The following MAGI1 variants were observed in gnomAD, a reference collection of about 807,000 sequenced individuals.
MAGI1 encodes the protein membrane-associated guanylate kinase, WW and PDZ domain-containing protein 1.
MAGI1 carries 58 observed loss-of-function variants against 139.9 expected under a neutral mutation model. The observed-to-expected ratio is 0.41, with a 90% CI of 0.34 to 0.52. The LOEUF is 0.52. MAGI1 is among the 20% of genes least tolerant of loss of function. The pLI, the probability that MAGI1 is intolerant of heterozygous loss-of-function variation, is 0.12. For synonymous variants in MAGI1, 812 were observed against 737.9 expected, an observed-to-expected ratio of 1.10 and a Z score of -1.63; for missense variants, 1,874 against 1,901.6, an observed-to-expected ratio of 0.99 and a Z score of 0.27.
chr3:65,558,738 A>T (rs1314840018), intron 2 of MAGI1, among the ~76,000 whole-genome samples: 1 of 152,150 alleles, frequency 6.6e-6, no homozygotes, highest in African/African-American at 2.4e-5. Flanking sequence ...GATCTACCGA[A>T]TCAGAATTTC....
chr3:65,955,429 C>T (rs759224465), intron 1 of MAGI1, among the ~76,000 whole-genome samples: 1 of 152,160 alleles, frequency 6.6e-6, no homozygotes, highest in Non-Finnish European at 1.5e-5. Flanking sequence ...CCTCTCCTAG[C>T]CTCCTAGACC....
chr3:65,866,390 GA>G (rs1015286935), intron 1 of MAGI1, among the ~76,000 whole-genome samples: 4 of 148,770 alleles, frequency 2.7e-5, no homozygotes, highest in African/African-American at 9.9e-5. Context: ...TTTAAGAGGG[GA>G]AAAAAAGCAG....
intron 1 of MAGI1, among the ~76,000 whole-genome samples, chr3:65,646,546 C>A (rs934696259): frequency 2.0e-5 from 3 of 152,060 alleles, no homozygotes; most frequent in African/African-American, 7.2e-5. Flanking sequence ...CTTCAAACAA[C>A]AGGATCCAAA....
chr3:65,774,871 A>G (rs1471832117), intron 1 of MAGI1, among the ~76,000 whole-genome samples: 2 of 152,188 alleles, frequency 1.3e-5, no homozygotes, highest in Non-Finnish European at 2.9e-5. Context: ...TTCTGTCTTC[A>G]CTATTGATAG....
rs779588733 is a variant in MAGI1, at chr3:65,627,485, C to CTTTTTTTTTTTTTTTTTTTTTT, written c.314-5419_314-5398dup. Among the ~76,000 whole-genome samples the CTTTTTTTTTTTTTTTTTTTTTT allele has an allele frequency of 2.8e-4, 8 of 28,322 alleles. 2 individuals carry two copies. The highest frequency in any genetic ancestry group is 4.2e-4 in the Non-Finnish European group (6 of 14,350). The allele number at this position is 28,322 out of a possible 152,430, so 18.6% of individuals were successfully genotyped here. On this transcript the variant is annotated intron_variant, in intron 1 of 22. Transcript: ENST00000402939. ...TTGCCGTTATTTTATATTTCTGTATCTTTTTTTTTTTTTTTTTTTTTTTTT... is the reference window on the plus strand; with the variant it reads ...TTGCCGTTATTTTATATTTCTGTATCTTTTTTTTTTTTTTTTTTTTTTTTTTTTTTTTTTTTTTTTTTTTTTT...
At chr3:65,813,449 GA>G in intron 1 of MAGI1, among the ~76,000 whole-genome samples, 1 of 152,268 alleles carries the variant, frequency 6.6e-6, no homozygotes, top group East Asian at 1.9e-4. Context: ...TGACCATTAA[GA>G]AACAAATCAA....
intron 1 of MAGI1, among the ~76,000 whole-genome samples, chr3:65,883,352 C>A (rs200262704): frequency 6.6e-6 from 1 of 152,072 alleles, no homozygotes; most frequent in Admixed American, 6.6e-5. Flanking sequence ...AAATTCCAGT[C>A]TAAAAGAAGT....
intron 1 of MAGI1, among the ~76,000 whole-genome samples, chr3:65,743,823 G>A (rs2035472401): frequency 6.6e-6 from 1 of 151,448 alleles, no homozygotes; most frequent in African/African-American, 2.4e-5. Context: ...CATTTTTTGT[G>A]TTGGTTCTCA....
intron 2 of MAGI1, among the ~76,000 whole-genome samples, chr3:65,592,725 G>T (rs2082024425): frequency 6.6e-6 from 1 of 152,160 alleles, no homozygotes; most frequent in African/African-American, 2.4e-5. Context: ...GAAAGAATGA[G>T]GGCTAGTGTG....
intron 12 of MAGI1, among the ~76,000 whole-genome samples, chr3:65,415,210 C>CTT (rs1273166397): frequency 1.3e-5 from 2 of 152,092 alleles, no homozygotes; most frequent in Non-Finnish European, 2.9e-5. Context: ...CAGGCTCTTC[C>CTT]TTTTCACCTT....
chr3:65,906,940 A>G (rs2061459965), intron 1 of MAGI1, among the ~76,000 whole-genome samples: 1 of 151,894 alleles, frequency 6.6e-6, no homozygotes, highest in Non-Finnish European at 1.5e-5. Flanking sequence ...AAAAAAAAAG[A>G]AAAAGAACTT....
chr3:66,002,647 T>C (rs1016659340), intron 1 of MAGI1, among the ~76,000 whole-genome samples: 2 of 152,244 alleles, frequency 1.3e-5, no homozygotes, highest in African/African-American at 4.8e-5. Context: ...CCCGAGTAGC[T>C]GGGATCACAG....
rs75482011 is a variant in MAGI1, at chr3:65,780,287, G to A, written c.314-158199C>T. On this transcript the variant is annotated intron_variant, in intron 1 of 22. Coordinates refer to ENST00000402939, the MANE Select transcript of MAGI1 (RefSeq NM_001033057.2). ...GATCCCCCCGCTTCAATCTCCCAAA[G>A]TGCTGGGATTACAGGAGTGACACAT... Among the ~76,000 whole-genome samples, 1,312 of 152,282 alleles carry A rather than the reference G, an allele frequency of 8.6e-3. 21 individuals are homozygous for A. Among genetic ancestry groups the A allele is most frequent in the African/African-American group, 0.03 (1,235 of 41,564 alleles).
At chr3:65,690,723 A>ACCTCCCAATGTGATGGGATTACAG (rs2088528524) in intron 1 of MAGI1, among the ~76,000 whole-genome samples, 1 of 133,326 alleles carries the variant, frequency 7.5e-6, no homozygotes, top group South Asian at 2.6e-4. Flanking sequence ...CAAGTGATCC[A>ACCTCCCAATGTGATGGGATTACAG]CCTCCCAATG....
At chr3:65,364,337 T>A (rs904826012) in intron 20 of MAGI1, among the ~76,000 whole-genome samples, 1 of 152,088 alleles carries the variant, frequency 6.6e-6, no homozygotes, top group Non-Finnish European at 1.5e-5. Flanking sequence ...AAACACCTTA[T>A]CACAAAGACA....
At chr3:65,572,689 G>A (rs1412950095) in intron 2 of MAGI1, among the ~76,000 whole-genome samples, 2 of 151,986 alleles carry the variant, frequency 1.3e-5, no homozygotes, top group African/African-American at 4.8e-5. Context: ...ATGATATGCT[G>A]TTTTCCTTTA....
At chr3:66,004,572 A>G (rs2066915769) in intron 1 of MAGI1, among the ~76,000 whole-genome samples, 1 of 152,148 alleles carries the variant, frequency 6.6e-6, no homozygotes, top group South Asian at 2.1e-4. Context: ...CCAGATAATC[A>G]CAAAGGTCTG....
Position 66,038,285 on chromosome 3 carries a change from C to G in MAGI1, c.24G>C (p.Lys8Asn), listed in dbSNP as rs764775560. ...CGTGAACCCTGCTAGTCCAGTGGTT[C>G]TTCTTCTGGATCACTTTGGACATGA... Reference protein sequence around the residue: MSKVIQKKNHWTSRVHEC... With the variant: MSKVIQKNNHWTSRVHEC... Residue 8 changes from lysine to asparagine, a missense_variant, in exon 1 of 23, where the codon AAG becomes AAC. Physicochemically the swap from Lys to Asn is moderately conservative, Grantham distance 94. This residue lies in a region of MAGI1 where 648 missense variants were observed against 598.1 expected (regional missense o/e 1.08). Transcript: ENST00000402939. 1 of 1,595,240 alleles carries G rather than the reference C, an allele frequency of 6.3e-7. No homozygotes were observed.
chr3:65,784,042 G>C (rs1303563955), intron 1 of MAGI1, among the ~76,000 whole-genome samples: 1 of 151,952 alleles, frequency 6.6e-6, no homozygotes, highest in African/African-American at 2.4e-5. Flanking sequence ...AGAATCCCTT[G>C]AACCTGGGAG....
Sources: gnomAD v4.1 joint callset for allele counts (sites outside exome capture counted in the v4.1 genomes callset) on GRCh38, gnomAD v4.1.1 for gene constraint, gnomAD v4.1.1 regional missense constraint, MANE v1.5 for transcripts, NCBI Gene and HGNC (gene_info 2026-07-23, HGNC 2026-07-21) for gene names.